The following KLF12 variants were observed in gnomAD, a reference collection of about 807,000 sequenced individuals.
KLF12 encodes the protein KLF transcription factor 12.
KLF12 carries 9 observed loss-of-function variants against 37.8 expected under a neutral mutation model. That is an observed-to-expected ratio of 0.24 (90% CI 0.14 to 0.42). The LOEUF (loss-of-function observed/expected upper bound fraction) is 0.42, where lower values mean the gene tolerates loss of function less well. Ranked by LOEUF, KLF12 falls within the 10% of genes least tolerant of loss-of-function variation. The pLI is 1.00. For synonymous variants in KLF12, 208 were observed against 202.1 expected, an observed-to-expected ratio of 1.03 and a Z score of -0.25; for missense variants, 411 against 516.0, an observed-to-expected ratio of 0.80 and a Z score of 1.97.
the KLF12 span, among the ~76,000 whole-genome samples, chr13:74,157,063 C>A: frequency 3.3e-5 from 5 of 152,062 alleles, no homozygotes; most frequent in Non-Finnish European, 5.9e-5. Flanking sequence ...TGTTGTTTTA[C>A]CGCTTTCCTT....
At chr13:73,749,490 A>T (rs186738270) in intron 6 of KLF12, among the ~76,000 whole-genome samples, 333 of 152,270 alleles carry the variant, frequency 2.2e-3, no homozygotes, top group African/African-American at 4.0e-3. Context: ...AAAGATTTTT[A>T]AAAAAATAGC....
intron 3 of KLF12, among the ~76,000 whole-genome samples, chr13:73,902,484 C>A (rs1888086017): frequency 1.3e-5 from 2 of 152,272 alleles, no homozygotes; most frequent in African/African-American, 4.8e-5. Context: ...GATTAAGTGA[C>A]TTACCCAAGT....
chr13:73,843,828 T>C (rs1162973154), intron 4 of KLF12, among the ~76,000 whole-genome samples: 4 of 152,218 alleles, frequency 2.6e-5, no homozygotes, highest in African/African-American at 4.8e-5. Context: ...CTTAAATTTT[T>C]ATTCTTGATA....
At chr13:74,012,388 C>G (rs1039704416) in intron 1 of KLF12, among the ~76,000 whole-genome samples, 1 of 152,142 alleles carries the variant, frequency 6.6e-6, no homozygotes, top group African/African-American at 2.4e-5. Context: ...AGAAATATAA[C>G]CCAATATCTA....
At chr13:74,229,182 C>A in the KLF12 span, among the ~76,000 whole-genome samples, 1 of 152,064 alleles carries the variant, frequency 6.6e-6, no homozygotes, top group Non-Finnish European at 1.5e-5. Context: ...CTTTTTGATT[C>A]TTGGAGCAAA....
chr13:74,268,709 G>A, the KLF12 span, among the ~76,000 whole-genome samples: 2 of 152,152 alleles, frequency 1.3e-5, no homozygotes, highest in Non-Finnish European at 2.9e-5. Context: ...AAAATTTTAT[G>A]CTTTTCAGGT....
chr13:74,271,330 T>C, the KLF12 span, among the ~76,000 whole-genome samples: 1 of 152,246 alleles, frequency 6.6e-6, no homozygotes, highest in East Asian at 1.9e-4. Flanking sequence ...AAAGGGCAAC[T>C]ATGCTTAAGC....
intron 4 of KLF12, among the ~76,000 whole-genome samples, chr13:73,833,376 A>G (rs1277131387): frequency 6.6e-6 from 1 of 152,232 alleles, no homozygotes; most frequent in Non-Finnish European, 1.5e-5. Context: ...GGTACCACCA[A>G]ACATTATTCT....
At chr13:73,707,046 C>A (rs1272199456) in intron 7 of KLF12, among the ~76,000 whole-genome samples, 1 of 152,156 alleles carries the variant, frequency 6.6e-6, no homozygotes, top group Non-Finnish European at 1.5e-5. Flanking sequence ...AGGGCTGATG[C>A]TGAACAGGTA....
chr13:74,221,285 C>A, the KLF12 span, among the ~76,000 whole-genome samples: 2 of 152,138 alleles, frequency 1.3e-5, no homozygotes, highest in Admixed American at 1.3e-4. Flanking sequence ...GGATTACAGG[C>A]GTGAGCCACC....
intron 5 of KLF12, among the ~76,000 whole-genome samples, chr13:73,804,640 G>A (rs1566379350): frequency 6.6e-6 from 1 of 152,088 alleles, no homozygotes; most frequent in African/African-American, 2.4e-5. Flanking sequence ...GTCATTCACA[G>A]TCAATCAAAG....
intron 4 of KLF12, among the ~76,000 whole-genome samples, chr13:73,818,041 T>G (rs1174393402): frequency 6.6e-6 from 1 of 152,258 alleles, no homozygotes; most frequent in Non-Finnish European, 1.5e-5. Flanking sequence ...TATTTACAGG[T>G]GTTTTGGCTT....
the KLF12 span, among the ~76,000 whole-genome samples, chr13:74,143,221 T>G: frequency 6.9e-6 from 1 of 144,654 alleles, no homozygotes; most frequent in African/African-American, 2.5e-5. Context: ...TCTCTCTCCA[T>G]TAAGACAGAG....
chr13:74,181,361 GAAAAAA>G, the KLF12 span, among the ~76,000 whole-genome samples: 1 of 130,730 alleles, frequency 7.6e-6, no homozygotes, highest in African/African-American at 2.8e-5. Flanking sequence ...TGACAAAAGT[GAAAAAA>G]AAAAAAGAAA....
the KLF12 span, among the ~76,000 whole-genome samples, chr13:74,297,175 C>G: frequency 8.6e-4 from 131 of 152,194 alleles, 1 homozygote; most frequent in African/African-American, 3.1e-3. Context: ...CTATTGAGAG[C>G]TAGAATATGC....
chr13:74,130,842 A>T (rs1174516945), intron 1 of KLF12, among the ~76,000 whole-genome samples: 1 of 152,202 alleles, frequency 6.6e-6, no homozygotes, highest in Non-Finnish European at 1.5e-5. Context: ...CTACAGCTAG[A>T]TTTATGAACT....
At chr13:73,982,577 C>T (rs558468564) in intron 2 of KLF12, among the ~76,000 whole-genome samples, 1 of 152,198 alleles carries the variant, frequency 6.6e-6, no homozygotes, top group Non-Finnish European at 1.5e-5. Flanking sequence ...TTGCTAGATG[C>T]CTTATTATAA....
At chr13:74,294,647 G>A in the KLF12 span, among the ~76,000 whole-genome samples, 2 of 152,106 alleles carry the variant, frequency 1.3e-5, no homozygotes, top group Non-Finnish European at 1.5e-5. Flanking sequence ...GATTACAGGC[G>A]TGAACCACTG....
chr13:73,749,260 GA>G (rs1878577777), intron 6 of KLF12, among the ~76,000 whole-genome samples: 1 of 152,254 alleles, frequency 6.6e-6, no homozygotes, highest in African/African-American at 2.4e-5. Context: ...AAGAAAAAAA[GA>G]TATTTATTCT....
Sources: gnomAD v4.1 joint callset for allele counts (sites outside exome capture counted in the v4.1 genomes callset) on GRCh38, gnomAD v4.1.1 for gene constraint, MANE v1.5 for transcripts, NCBI Gene and HGNC (gene_info 2026-07-23, HGNC 2026-07-21) for gene names.